UBE4B: variants seen among roughly 807,000 people sequenced by gnomAD.
UBE4B encodes ubiquitin conjugation factor E4 B.
Under a neutral mutation model 148.1 loss-of-function variants are expected in UBE4B, and 27 were observed. The observed-to-expected ratio is 0.18, with a 90% CI of 0.13 to 0.25. UBE4B has a LOEUF of 0.25. Ranked by LOEUF, UBE4B falls within the 10% of genes least tolerant of loss-of-function variation. UBE4B has a pLI of 1.00. For synonymous variants in UBE4B, 596 were observed against 619.3 expected (o/e 0.96, Z 0.56); for missense variants, 1,170 against 1,662.4 (o/e 0.70, Z 5.15).
At chr1:10,159,500 G>A (rs1646126258) in intron 22 of UBE4B, among the ~76,000 whole-genome samples, 2 of 152,130 alleles carry the variant, frequency 1.3e-5, no homozygotes, top group Non-Finnish European at 2.9e-5. Flanking sequence ...GTGAAACCCC[G>A]TCTCTACTAA....
intron 2 of UBE4B, among the ~76,000 whole-genome samples, chr1:10,089,990 T>C (rs1328814274): frequency 6.6e-6 from 1 of 152,144 alleles, no homozygotes; most frequent in Non-Finnish European, 1.5e-5. Flanking sequence ...CCACCATGCC[T>C]GGTTGCTTTT....
intron 2 of UBE4B, among the ~76,000 whole-genome samples, chr1:10,076,247 CT>C (rs369214323): frequency 1.2e-3 from 164 of 131,626 alleles, no homozygotes; most frequent in Admixed American, 1.4e-3. Flanking sequence ...TTCTTTCTTT[CT>C]TTTTTTTTTT....
intron 1 of UBE4B, among the ~76,000 whole-genome samples, chr1:10,068,810 G>A (rs1362238501): frequency 6.6e-6 from 1 of 152,222 alleles, no homozygotes; most frequent in Admixed American, 6.5e-5. Context: ...TAACACCAGT[G>A]TAGAAGGCAT....
At chr1:10,056,592 C>T (rs570987398) in intron 1 of UBE4B, among the ~76,000 whole-genome samples, 12 of 152,212 alleles carry the variant, frequency 7.9e-5, no homozygotes, top group African/African-American at 2.9e-4. Flanking sequence ...GTTATATTAC[C>T]TTTATTTCTG....
intron 2 of UBE4B, among the ~76,000 whole-genome samples, chr1:10,076,244 TTTC>T (rs1487574298): frequency 8.7e-5 from 13 of 149,754 alleles, no homozygotes; most frequent in South Asian, 2.2e-4. Flanking sequence ...TCTTTCTTTC[TTTC>T]TTTTTTTTTT....
intron 23 of UBE4B, among the ~76,000 whole-genome samples, chr1:10,164,138 T>TTA (rs897580825): frequency 2.6e-5 from 4 of 151,834 alleles, no homozygotes; most frequent in Admixed American, 6.6e-5. Flanking sequence ...GCCAGGAGTT[T>TTA]GAGACCAGCC....
intron 20 of UBE4B, among the ~76,000 whole-genome samples, 164 bp from the exon 21 acceptor site, chr1:10,151,162 C>CA (rs112703239): frequency 0.12 from 15,145 of 131,410 alleles, 1,191 homozygotes; most frequent in African/African-American, 0.24. Flanking sequence ...GACTCTGTCT[C>CA]AAAAAAAAAA....
At chr1:10,094,641 A>G (rs1259584081) in intron 2 of UBE4B, among the ~76,000 whole-genome samples, 8 of 151,642 alleles carry the variant, frequency 5.3e-5, no homozygotes, top group Admixed American at 1.3e-4. Flanking sequence ...TCACCATGTT[A>G]GCCAGGATGG....
intron 2 of UBE4B, among the ~76,000 whole-genome samples, chr1:10,086,053 G>C (rs937456892): frequency 1.3e-5 from 2 of 151,586 alleles, no homozygotes; most frequent in South Asian, 4.2e-4. Context: ...CTTACTGCAA[G>C]CTCCACCTCC....
intron 1 of UBE4B, among the ~76,000 whole-genome samples, chr1:10,045,658 A>T (rs1197752212): frequency 6.6e-6 from 1 of 152,224 alleles, no homozygotes; most frequent in Non-Finnish European, 1.5e-5. Flanking sequence ...TGTGAAGAGA[A>T]TAGATAAGGA....
At chr1:10,101,028 C>A in intron 3 of UBE4B, 80 bp from the exon 4 acceptor site, 1 of 1,257,634 alleles carries the variant, frequency 8.0e-7, no homozygotes, top group Non-Finnish European at 1.1e-6. Context: ...TATTTTAAAA[C>A]ATTTTCTCAC....
intron 1 of UBE4B, among the ~76,000 whole-genome samples, chr1:10,071,744 G>C (rs1246837863): frequency 6.6e-6 from 1 of 152,054 alleles, no homozygotes; most frequent in Non-Finnish European, 1.5e-5. Flanking sequence ...TGCTCAGGCT[G>C]GTCTTGAACT....
chr1:10,103,469 T>C (rs1417772987), intron 5 of UBE4B, among the ~76,000 whole-genome samples: 2 of 150,674 alleles, frequency 1.3e-5, no homozygotes, highest in Non-Finnish European at 3.0e-5. Context: ...AATCTCACCC[T>C]ATCACCAGGC....
Position 10,106,741 on chromosome 1 carries a change from G to C in UBE4B, c.1196+158G>C, listed in dbSNP as rs1013224446. Among the ~76,000 whole-genome samples the C allele has an allele frequency of 6.6e-6, 1 of 152,208 alleles. No individual in the cohort carries two copies. Among genetic ancestry groups the C allele is most frequent in the African/African-American group, 2.4e-5 (1 of 41,450 alleles). ...CTAGTTTGGTAGGCACGTACTCTGA[G>C]TCCATGCTTCTGCCAGGCTCTAATC... On this transcript the variant is annotated intron_variant, in intron 7 of 27. Coordinates refer to ENST00000343090, the MANE Select transcript of UBE4B (RefSeq NM_001105562.3). The surrounding 1 kb of genome is among the most constrained non-coding windows in gnomAD (Gnocchi z 4.2).
At chr1:10,104,580 T>C (rs761487878) in intron 5 of UBE4B, among the ~76,000 whole-genome samples, 1 of 152,216 alleles carries the variant, frequency 6.6e-6, no homozygotes, top group Non-Finnish European at 1.5e-5. Flanking sequence ...AAAAGTCCTT[T>C]GTATTTCTGG....
At chr1:10,112,858 A>G (rs1450397633) in intron 7 of UBE4B, among the ~76,000 whole-genome samples, 3 of 152,096 alleles carry the variant, frequency 2.0e-5, no homozygotes, top group Admixed American at 6.6e-5. Flanking sequence ...ATCATGATTT[A>G]CTCTGGCACC....
At chr1:10,070,442 TAA>T (rs70998345) in intron 1 of UBE4B, among the ~76,000 whole-genome samples, 93 of 131,586 alleles carry the variant, frequency 7.1e-4, no homozygotes, top group Non-Finnish European at 8.9e-4. Flanking sequence ...CAGTTAAAAT[TAA>T]AAAAAAAAAA....
At chr1:10,145,952 G>T (rs1185259377) in intron 18 of UBE4B, among the ~76,000 whole-genome samples, 1 of 152,172 alleles carries the variant, frequency 6.6e-6, no homozygotes, top group Admixed American at 6.5e-5. Flanking sequence ...TTATAAACCT[G>T]AGTGTTAGCT....
At chr1:10,035,725 T>A (rs568572895) in intron 1 of UBE4B, among the ~76,000 whole-genome samples, 170 of 145,636 alleles carry the variant, frequency 1.2e-3, no homozygotes, top group African/African-American at 3.0e-3. Context: ...TTTTTTATTT[T>A]TTTTTATTTT....
Sources: allele counts gnomAD v4.1 joint callset (sites outside exome capture counted in the v4.1 genomes callset), GRCh38; gene constraint gnomAD v4.1.1; non-coding constraint Gnocchi (gnomAD v3.1); transcripts MANE v1.5; gene names NCBI Gene and HGNC (gene_info 2026-07-23, HGNC 2026-07-21).